FRMD5: variants seen among roughly 807,000 people sequenced by gnomAD.
The protein encoded by FRMD5 is FERM domain containing 5.
In FRMD5, 20 loss-of-function variants were observed where a neutral mutation model predicts 69.0. That is an observed-to-expected ratio of 0.29 (90% CI 0.20 to 0.42). FRMD5 has a LOEUF of 0.42. Ranked by LOEUF, FRMD5 falls within the 10% of genes least tolerant of loss-of-function variation. The pLI is 1.00. For synonymous variants in FRMD5, 271 were observed against 260.1 expected (o/e 1.04, Z -0.40); for missense variants, 595 against 708.6 (o/e 0.84, Z 1.82).
chr15:44,143,006 C>A (rs1353943233), intron 1 of FRMD5, among the ~76,000 whole-genome samples: 1 of 151,932 alleles, frequency 6.6e-6, no homozygotes, highest in African/African-American at 2.4e-5. Flanking sequence ...AGGAGAATCG[C>A]TGGAACCTGT....
chr15:44,032,120 T>C (rs1485044332), intron 1 of FRMD5, among the ~76,000 whole-genome samples: 8 of 152,108 alleles, frequency 5.3e-5, no homozygotes, highest in Non-Finnish European at 1.2e-4. Context: ...CCCTATTCAA[T>C]AAATGGTGGT....
chr15:43,932,252 G>T (rs538483919), intron 1 of FRMD5, among the ~76,000 whole-genome samples: 2 of 152,284 alleles, frequency 1.3e-5, no homozygotes, highest in South Asian at 4.1e-4. Context: ...GTCCTCCCTG[G>T]ACAAGAATGC....
At chr15:44,051,519 AC>A (rs1892666790) in intron 1 of FRMD5, among the ~76,000 whole-genome samples, 1 of 151,928 alleles carries the variant, frequency 6.6e-6, no homozygotes, top group African/African-American at 2.4e-5. Context: ...TTAACATCTT[AC>A]ATTAGTACAG....
At chr15:43,897,254 G>A (rs764277601) in intron 7 of FRMD5, among the ~76,000 whole-genome samples, 16 of 151,932 alleles carry the variant, frequency 1.1e-4, no homozygotes, top group African/African-American at 1.7e-4. Flanking sequence ...TTGGGAGGCC[G>A]AGGCGGGCAG....
At chr15:44,026,070 TG>T (rs1891416360) in intron 1 of FRMD5, among the ~76,000 whole-genome samples, 2 of 152,288 alleles carry the variant, frequency 1.3e-5, no homozygotes, top group South Asian at 4.1e-4. Context: ...ATCTGCCTCC[TG>T]GGTTCAAGTG....
chr15:44,113,695 T>C (rs1373263164), intron 1 of FRMD5, among the ~76,000 whole-genome samples: 1 of 152,152 alleles, frequency 6.6e-6, no homozygotes, highest in Non-Finnish European at 1.5e-5. Context: ...CATTCCCGCT[T>C]CCCCTCCTCC....
intron 1 of FRMD5, among the ~76,000 whole-genome samples, chr15:44,071,471 C>A (rs1893537082): frequency 6.7e-6 from 1 of 149,408 alleles, no homozygotes; most frequent in African/African-American, 2.5e-5. Context: ...AACTAAAGTT[C>A]TGGCAACAGT....
At chr15:44,152,331 T>C (rs1163297750) in intron 1 of FRMD5, among the ~76,000 whole-genome samples, 2 of 152,226 alleles carry the variant, frequency 1.3e-5, no homozygotes, top group Non-Finnish European at 2.9e-5. Context: ...TAGGTTGTTA[T>C]ATGTATCAAT....
intron 13 of FRMD5, among the ~76,000 whole-genome samples, chr15:43,877,106 T>C (rs1009581871): frequency 2.0e-5 from 3 of 152,154 alleles, no homozygotes; most frequent in African/African-American, 7.2e-5. Flanking sequence ...GGCTTCTTGT[T>C]TTAGGCTCAA....
Position 44,161,582 on chromosome 15 carries a change from ATG to A in FRMD5, c.102+33369_102+33370del, listed in dbSNP as rs569365584. On this transcript the variant is annotated intron_variant, in intron 1 of 13. Transcript: ENST00000417257. ...AATACAATAATTTGACACATGCTCAATGTGTAATCATTGTTGTGATGCATGGT... is the reference window on the plus strand; with the variant it reads ...AATACAATAATTTGACACATGCTCAATGTAATCATTGTTGTGATGCATGGT... Among the ~76,000 whole-genome samples, 26 of 152,314 alleles carry A rather than the reference ATG, an allele frequency of 1.7e-4. No homozygotes were observed. The South Asian group carries it at 5.2e-3, about 30-fold the overall frequency.
At chr15:44,015,692 G>A (rs978351467) in intron 1 of FRMD5, among the ~76,000 whole-genome samples, 1 of 152,156 alleles carries the variant, frequency 6.6e-6, no homozygotes, top group Non-Finnish European at 1.5e-5. Flanking sequence ...GGGTTGGGCT[G>A]CCAAGTCCAC....
chr15:43,986,026 G>A (rs1046032632), intron 1 of FRMD5, among the ~76,000 whole-genome samples: 2 of 152,246 alleles, frequency 1.3e-5, no homozygotes, highest in African/African-American at 4.8e-5. Flanking sequence ...AAGAATGTCA[G>A]TCCCCAAACA....
chr15:43,979,176 A>G (rs1200430517), intron 1 of FRMD5, among the ~76,000 whole-genome samples: 1 of 152,008 alleles, frequency 6.6e-6, no homozygotes, highest in Non-Finnish European at 1.5e-5. Flanking sequence ...CATCTCTACC[A>G]AAAAAATACA....
At chr15:44,034,114 C>G (rs1891807948) in intron 1 of FRMD5, among the ~76,000 whole-genome samples, 1 of 152,174 alleles carries the variant, frequency 6.6e-6, no homozygotes, top group Non-Finnish European at 1.5e-5. Flanking sequence ...GAAACTGTTA[C>G]TCTTGTTTCC....
chr15:43,951,983 TGTGTGTGTGTGTGTGTCTGTGTG>T lies in FRMD5; in HGVS notation c.103-27697_103-27675del, dbSNP rs1566857262. On this transcript the variant is annotated intron_variant, in intron 1 of 13. Coordinates refer to ENST00000417257, the MANE Select transcript of FRMD5 (RefSeq NM_032892.5). The stretch of plus-strand genomic sequence containing the variant: ...TGCATGTGTGTGTGTGTGTGTGTTG[TGTGTGTGTGTGTGTGTCTGTGTG>T]TGTGTGTGTGTGTGTGTGTGTGTGT... 8.7e-4 allele frequency among the ~76,000 whole-genome samples: 121 copies of T among 139,236 alleles called. 2 individuals are homozygous for T. The highest frequency in any genetic ancestry group is 3.0e-3 in the African/African-American group (109 of 35,798). The allele number at this position is 139,236 out of a possible 152,430, so 91.3% of individuals were successfully genotyped here. A position where few individuals can be genotyped will look rare whatever the true frequency, so the allele number is the denominator to read the frequency against.
chr15:44,165,540 T>C (rs1454889812), intron 1 of FRMD5, among the ~76,000 whole-genome samples: 1 of 152,000 alleles, frequency 6.6e-6, no homozygotes, highest in African/African-American at 2.4e-5. Context: ...TTAATCTAAA[T>C]CTATCAAATT....
At chr15:43,979,315 A>G (rs945909354) in intron 1 of FRMD5, among the ~76,000 whole-genome samples, 3 of 151,334 alleles carry the variant, frequency 2.0e-5, no homozygotes, top group African/African-American at 4.9e-5. Flanking sequence ...AGCCTGGGCT[A>G]TAAGAGTGAA....
At chr15:43,902,099 G>A (rs2089059286) in intron 7 of FRMD5, 76 bp downstream of exon 7, 10 of 1,027,326 alleles carry the variant, frequency 9.7e-6, no homozygotes, top group South Asian at 3.9e-5. Flanking sequence ...GCCTCTGAGC[G>A]CAGGCATGGG....
intron 1 of FRMD5, among the ~76,000 whole-genome samples, chr15:44,094,849 T>C (rs1439254059): frequency 3.3e-5 from 5 of 152,104 alleles, no homozygotes; most frequent in Non-Finnish European, 5.9e-5. Context: ...CAAATTTCAA[T>C]TGTGCTGATA....
Sources: allele counts gnomAD v4.1 joint callset (sites outside exome capture counted in the v4.1 genomes callset), GRCh38; gene constraint gnomAD v4.1.1; transcripts MANE v1.5; gene names NCBI Gene and HGNC (gene_info 2026-07-23, HGNC 2026-07-21).